The following KCNN3 variants were observed in gnomAD, a reference collection of about 807,000 sequenced individuals.
KCNN3 encodes the protein small conductance calcium-activated potassium channel protein 3.
In KCNN3, 16 loss-of-function variants were observed where a neutral mutation model predicts 62.9. The ratio of observed to expected loss-of-function variants is 0.25; its 90% CI spans 0.17 to 0.39. The LOEUF is 0.39. KCNN3 is among the 10% of genes least tolerant of loss of function. KCNN3 has a pLI of 1.00. For synonymous variants in KCNN3, 370 were observed against 389.2 expected (o/e 0.95, Z 0.58); for missense variants, 599 against 949.4 (o/e 0.63, Z 4.85).
chr1:154,719,513 T>C (rs144890831), intron 5 of KCNN3, among the ~76,000 whole-genome samples: 2 of 152,286 alleles, frequency 1.3e-5, no homozygotes, highest in African/African-American at 4.8e-5. Context: ...AGCTCTGTTA[T>C]AGCCTTCTGA....
At chr1:154,794,851 T>C (rs868572735) in intron 2 of KCNN3, among the ~76,000 whole-genome samples, 1 of 152,270 alleles carries the variant, frequency 6.6e-6, no homozygotes, top group Middle Eastern at 3.4e-3. Context: ...GGGAACCCAG[T>C]AGCGAGCCTG....
At chr1:154,799,559 G>A (rs1366280910) in intron 2 of KCNN3, among the ~76,000 whole-genome samples, 1 of 152,200 alleles carries the variant, frequency 6.6e-6, no homozygotes, top group South Asian at 2.1e-4. Context: ...CCCATAAAGT[G>A]AAGCCACCAG....
chr1:154,732,011 A>G (rs555791708), intron 4 of KCNN3, among the ~76,000 whole-genome samples: 2 of 152,152 alleles, frequency 1.3e-5, no homozygotes, highest in South Asian at 4.2e-4. Flanking sequence ...CACTTCACCA[A>G]TTTGCAACTG....
intron 3 of KCNN3, among the ~76,000 whole-genome samples, chr1:154,751,307 C>G (rs1647366358): frequency 1.3e-5 from 2 of 152,198 alleles, no homozygotes; most frequent in Non-Finnish European, 2.9e-5. Context: ...CACATTCTGT[C>G]CCCCTTCTCT....
intron 3 of KCNN3, among the ~76,000 whole-genome samples, chr1:154,753,054 GCA>G (rs1375803213): frequency 6.6e-6 from 1 of 152,128 alleles, no homozygotes; most frequent in East Asian, 1.9e-4. Flanking sequence ...TAAATAAAAT[GCA>G]CAGTTTAAAT....
intron 1 of KCNN3, among the ~76,000 whole-genome samples, chr1:154,848,071 G>A (rs1263009907): frequency 6.6e-6 from 1 of 152,194 alleles, no homozygotes; most frequent in African/African-American, 2.4e-5. Flanking sequence ...AGAAGCCAGC[G>A]CTGATGAGTT....
At chr1:154,842,183 G>T (rs1405122009) in intron 1 of KCNN3, among the ~76,000 whole-genome samples, 1 of 152,196 alleles carries the variant, frequency 6.6e-6, no homozygotes, top group Non-Finnish European at 1.5e-5. Context: ...GCAATGGGGT[G>T]GGACCCTATG....
chr1:154,699,061 A>G lies in KCNN3; in HGVS notation c.*8915T>C, dbSNP rs1699798330. The stretch of plus-strand genomic sequence containing the variant: ...TCACTTTAACCACTCTTATTTATGC[A>G]TTACCACCAAGGGAAAACAAAGTCA... On this transcript the variant is annotated 3_prime_UTR_variant, in exon 8 of 8. Transcript: ENST00000271915. The G allele has an allele frequency of 6.6e-6, 1 of 152,158 alleles. No individual in the cohort carries two copies. The highest frequency in any genetic ancestry group is 1.5e-5 in the Non-Finnish European group (1 of 68,036). The allele number at this position is 152,158 out of a possible 1,614,324, so 9.4% of individuals were successfully genotyped here. A position where few individuals can be genotyped will look rare whatever the true frequency, so the allele number is the denominator to read the frequency against.
At chr1:154,754,868 A>G (rs1647562872) in intron 3 of KCNN3, among the ~76,000 whole-genome samples, 1 of 152,240 alleles carries the variant, frequency 6.6e-6, no homozygotes, top group African/African-American at 2.4e-5. Flanking sequence ...AGTTCCTGAG[A>G]AAAAGAAGAC....
In KCNN3 at chr1:154,772,946, G is replaced by A. The variant is rs116487252; in HGVS notation, c.1030-553C>T. 9.7e-3 allele frequency among the ~76,000 whole-genome samples: 1,471 copies of A among 152,228 alleles called. 23 individuals carry two copies. The highest frequency in any genetic ancestry group is 0.034 in the African/African-American group (1,393 of 41,528). ...GAGTTGATCACCAATGGCCAATGAT[G>A]TCATCAATTATGTCGGTGTAATGAA... On this transcript the variant is annotated intron_variant, in intron 2 of 7. Transcript: ENST00000271915. This position sits in a 1 kb window ranked among gnomAD's most constrained non-coding sequence, Gnocchi z 5.6.
intron 1 of KCNN3, among the ~76,000 whole-genome samples, chr1:154,844,302 G>T (rs1330635005): frequency 6.6e-6 from 1 of 152,238 alleles, no homozygotes; most frequent in South Asian, 2.1e-4. Flanking sequence ...AAGAGACAAG[G>T]TTCTAGAGAG....
chr1:154,742,707 G>C, intron 3 of KCNN3, among the ~76,000 whole-genome samples: 1 of 152,240 alleles, frequency 6.6e-6, no homozygotes, highest in African/African-American at 2.4e-5. Context: ...TGCTTCTTCG[G>C]GGAAGCAGGG....
chr1:154,708,664 G>A (rs1700012921), intron 7 of KCNN3, among the ~76,000 whole-genome samples: 1 of 152,032 alleles, frequency 6.6e-6, no homozygotes, highest in Non-Finnish European at 1.5e-5. Context: ...GGACAGTGCA[G>A]TGGGTGTATA....
At chr1:154,762,367 A>G (rs1648058491) in intron 3 of KCNN3, among the ~76,000 whole-genome samples, 1 of 152,210 alleles carries the variant, frequency 6.6e-6, no homozygotes, top group Admixed American at 6.5e-5. Context: ...CCAGAGGGGA[A>G]AAAGTAATTC....
chr1:154,762,606 T>G (rs1290451326), intron 3 of KCNN3, among the ~76,000 whole-genome samples: 2 of 152,258 alleles, frequency 1.3e-5, no homozygotes, highest in African/African-American at 2.4e-5. Flanking sequence ...GCATAACATT[T>G]GCTCTTTAAA....
At chr1:154,768,140 T>C (rs1020362646) in intron 3 of KCNN3, among the ~76,000 whole-genome samples, 4 of 152,168 alleles carry the variant, frequency 2.6e-5, no homozygotes, top group African/African-American at 9.7e-5. Flanking sequence ...CCTAAGGTGA[T>C]AGAATCATCA....
intron 3 of KCNN3, among the ~76,000 whole-genome samples, chr1:154,735,409 G>A (rs1190132257): frequency 6.6e-6 from 1 of 152,128 alleles, no homozygotes; most frequent in Non-Finnish European, 1.5e-5. Flanking sequence ...GGTACTTCTG[G>A]GGACATCTGA....
At chr1:154,752,847 A>G (rs1481017174) in intron 3 of KCNN3, among the ~76,000 whole-genome samples, 1 of 152,122 alleles carries the variant, frequency 6.6e-6, no homozygotes, top group African/African-American at 2.4e-5. Context: ...ACCACAAAGC[A>G]TTCCTATGAG....
intron 1 of KCNN3, among the ~76,000 whole-genome samples, chr1:154,849,360 T>C (rs892883987): frequency 5.3e-5 from 8 of 151,808 alleles, no homozygotes; most frequent in African/African-American, 1.9e-4. Flanking sequence ...CCAATGGGGG[T>C]TCCTGGGCAA....
Sources: gnomAD v4.1 joint callset for allele counts (sites outside exome capture counted in the v4.1 genomes callset) on GRCh38, gnomAD v4.1.1 for gene constraint, Gnocchi (gnomAD v3.1) non-coding constraint, MANE v1.5 for transcripts, NCBI Gene and HGNC (gene_info 2026-07-23, HGNC 2026-07-21) for gene names.